SPAG16: variants seen among roughly 807,000 people sequenced by gnomAD.
SPAG16 encodes sperm associated antigen 16, also known as sperm-associated antigen 16 protein.
SPAG16 carries 86 observed loss-of-function variants against 80.4 expected under a neutral mutation model. The ratio of observed to expected loss-of-function variants is 1.07; its 90% CI spans 0.90 to 1.28. The LOEUF (loss-of-function observed/expected upper bound fraction) is 1.28. SPAG16 is among the 50% of genes most tolerant of loss of function. SPAG16 has a pLI of 0.00. For missense variants in SPAG16, 870 were observed against 765.3 expected, an observed-to-expected ratio of 1.14 and a Z score of -1.61; for synonymous variants, 294 against 265.9, an observed-to-expected ratio of 1.11 and a Z score of -1.03.
rs571357557 is a variant in SPAG16 at position 213,704,657 on chromosome 2, G to T, written c.1071-157828G>T. 1.8e-3 allele frequency among the ~76,000 whole-genome samples: 238 copies of T among 129,188 alleles called. 5 individuals carry two copies. Among genetic ancestry groups the T allele is most frequent in the South Asian group, 5.3e-3 (23 of 4,308 alleles). The allele number at this position is 129,188 out of a possible 152,430, so 84.8% of individuals were successfully genotyped here. On this transcript the variant is annotated intron_variant, in intron 10 of 15. Coordinates refer to ENST00000331683, the MANE Select transcript of SPAG16 (RefSeq NM_024532.5). ...ATAATTCAAATACAAAGAAATAAAGGTCCTTTTAAGCTACCTGTTCTCCAG... is the reference window on the plus strand; with the variant it reads ...ATAATTCAAATACAAAGAAATAAAGTTCCTTTTAAGCTACCTGTTCTCCAG...
Position 213,325,874 on chromosome 2 carries a change from ATC to A in SPAG16, c.536+8522_536+8523del, listed in dbSNP as rs960546397. Among the ~76,000 whole-genome samples the A allele has an allele frequency of 8.6e-5, 13 of 151,924 alleles. 1 individual carries two copies. Among genetic ancestry groups the A allele is most frequent in the Non-Finnish European group, 1.9e-4 (13 of 67,882 alleles). ...TGTGTTCACTATACCCACGGGGCCT[ATC>A]TCTGTGCCTGGTACATAGAAGGAGC... On this transcript the variant is annotated intron_variant, in intron 5 of 15. Coordinates refer to ENST00000331683, the MANE Select transcript of SPAG16 (RefSeq NM_024532.5).
At chr2:213,999,121 T>C (rs184103868) in intron 12 of SPAG16, among the ~76,000 whole-genome samples, 1 of 152,228 alleles carries the variant, frequency 6.6e-6, no homozygotes, top group East Asian at 1.9e-4. Flanking sequence ...GGAATGTTAA[T>C]CCCCAAGACA....
intron 15 of SPAG16, among the ~76,000 whole-genome samples, chr2:214,296,077 G>A (rs1694110694): frequency 6.6e-6 from 1 of 152,036 alleles, no homozygotes; most frequent in African/African-American, 2.4e-5. Context: ...AGAATCCTCA[G>A]TTTCTATCAT....
chr2:213,862,747 C>G, intron 11 of SPAG16, 119 bp downstream of exon 11: 1 of 1,120,704 alleles, frequency 8.9e-7, no homozygotes, highest in Non-Finnish European at 1.3e-6. Context: ...ACACCCTGCA[C>G]TGAATTTCAA....
chr2:214,261,107 C>CAAAAAAAAAAAAAAAAAAAAA (rs558534808), intron 15 of SPAG16, among the ~76,000 whole-genome samples: 5 of 54,470 alleles, frequency 9.2e-5, no homozygotes, highest in Middle Eastern at 0.013. Context: ...GACTCAGTCT[C>CAAAAAAAAAAAAAAAAAAAAA]AAAAAAAAAA....
intron 12 of SPAG16, among the ~76,000 whole-genome samples, chr2:213,965,666 C>A (rs2044673589): frequency 6.6e-6 from 1 of 152,158 alleles, no homozygotes; most frequent in South Asian, 2.1e-4. Context: ...TGCTTACGAC[C>A]AAAGTCACCA....
At chr2:213,896,588 ACACG>A (rs373322768) in intron 11 of SPAG16, among the ~76,000 whole-genome samples, 43,328 of 120,320 alleles carry the variant, frequency 0.36, 7,006 homozygotes, top group Non-Finnish European at 0.41. Flanking sequence ...ATACACACAC[ACACG>A]CACACACACA....
At chr2:214,351,720 A>AAG (rs1425828106) in intron 15 of SPAG16, among the ~76,000 whole-genome samples, 1 of 141,220 alleles carries the variant, frequency 7.1e-6, no homozygotes, top group Non-Finnish European at 1.6e-5. Flanking sequence ...ACAAACAAAC[A>AAG]AAAAAAACAA....
Position 213,314,942 on chromosome 2 carries a change from A to G in SPAG16, c.399-2277A>G, listed in dbSNP as rs2063338639. On this transcript the variant is annotated intron_variant, in intron 4 of 15. Coordinates refer to ENST00000331683, the MANE Select transcript of SPAG16 (RefSeq NM_024532.5). ...TATTGATTCAATTATCTTAATCTTC[A>G]GGATATTCTATGGGGGGGTCCTCTT... 2.0e-5 allele frequency among the ~76,000 whole-genome samples: 3 copies of G among 151,896 alleles called. 1 individual carries two copies. In the South Asian group the frequency reaches 6.2e-4, roughly 31 times the overall value.
intron 10 of SPAG16, among the ~76,000 whole-genome samples, chr2:213,537,942 G>A (rs1355348717): frequency 6.6e-6 from 1 of 152,114 alleles, no homozygotes; most frequent in Non-Finnish European, 1.5e-5. Context: ...GAAAGTATCA[G>A]TGGGGTTTAT....
At chr2:214,364,761 CA>C (rs888870556) in intron 15 of SPAG16, among the ~76,000 whole-genome samples, 3 of 152,098 alleles carry the variant, frequency 2.0e-5, no homozygotes, top group African/African-American at 7.2e-5. Context: ...GAATTCATGG[CA>C]AATAAGGGTG....
chr2:213,601,659 A>G (rs1306551680), intron 10 of SPAG16, among the ~76,000 whole-genome samples: 3 of 152,260 alleles, frequency 2.0e-5, no homozygotes, highest in Admixed American at 6.5e-5. Context: ...CAGCTGTACA[A>G]ATGTATATGA....
intron 12 of SPAG16, among the ~76,000 whole-genome samples, chr2:213,982,097 G>A (rs371191318): frequency 1.3e-5 from 2 of 150,240 alleles, no homozygotes; most frequent in Non-Finnish European, 2.9e-5. Flanking sequence ...AATATAAAAT[G>A]ATGTTGTTAT....
At chr2:214,147,393 C>A (rs2055704240) in intron 14 of SPAG16, among the ~76,000 whole-genome samples, 1 of 152,086 alleles carries the variant, frequency 6.6e-6, no homozygotes, top group Non-Finnish European at 1.5e-5. Flanking sequence ...TCAAGATTTT[C>A]TTTAATCCAT....
At chr2:213,620,835 TATG>T (rs2061757098) in intron 10 of SPAG16, among the ~76,000 whole-genome samples, 1 of 152,182 alleles carries the variant, frequency 6.6e-6, no homozygotes, top group Non-Finnish European at 1.5e-5. Flanking sequence ...AATTTTTGCT[TATG>T]ATAAGACTAT....
At chr2:214,335,159 C>G (rs1697194777) in intron 15 of SPAG16, among the ~76,000 whole-genome samples, 1 of 152,110 alleles carries the variant, frequency 6.6e-6, no homozygotes, top group East Asian at 1.9e-4. Context: ...AGAATGTGAC[C>G]AGGTCCTGTA....
chr2:213,358,680 G>C (rs2065809050), intron 7 of SPAG16, among the ~76,000 whole-genome samples: 1 of 152,070 alleles, frequency 6.6e-6, no homozygotes, highest in South Asian at 2.1e-4. Flanking sequence ...AAGGTTTTTA[G>C]CTTCCTTGCG....
chr2:214,203,640 TAGA>T (rs2058068749), intron 15 of SPAG16, among the ~76,000 whole-genome samples: 1 of 151,994 alleles, frequency 6.6e-6, no homozygotes. Flanking sequence ...AATATGGGAA[TAGA>T]AGAAGCAGTG....
chr2:213,738,924 C>T (rs2067418204), intron 10 of SPAG16, among the ~76,000 whole-genome samples: 1 of 152,150 alleles, frequency 6.6e-6, no homozygotes, highest in Admixed American at 6.5e-5. Flanking sequence ...CACAGGTAGC[C>T]ACGTTACAGA....
Sources: gnomAD v4.1 joint callset for allele counts (sites outside exome capture counted in the v4.1 genomes callset) on GRCh38, gnomAD v4.1.1 for gene constraint, MANE v1.5 for transcripts, NCBI Gene and HGNC (gene_info 2026-07-23, HGNC 2026-07-21) for gene names.